POU2AF3: variants seen among roughly 807,000 people sequenced by gnomAD.
POU2AF3 encodes POU class 2 homeobox associating factor 3, also known as cancer susceptibility candidate 13.
At chr11:111,307,604 A>G in the POU2AF3 span, among the ~76,000 whole-genome samples, 1 of 152,230 alleles carries the variant, frequency 6.6e-6, no homozygotes, top group Non-Finnish European at 1.5e-5. Context: ...GTAGTGACAC[A>G]TCTTGGCATA....
the POU2AF3 span, among the ~76,000 whole-genome samples, chr11:111,304,157 T>C: frequency 6.6e-6 from 1 of 152,168 alleles, no homozygotes; most frequent in East Asian, 1.9e-4. Context: ...TTTTAATATT[T>C]CATGTATACT....
At chr11:111,301,927 C>T in the POU2AF3 span, among the ~76,000 whole-genome samples, 1 of 151,926 alleles carries the variant, frequency 6.6e-6, no homozygotes, top group South Asian at 2.1e-4. Flanking sequence ...AGTTCAGATG[C>T]GAGCCAGCTG....
At chr11:111,306,282 G>T in the POU2AF3 span, 2 of 514,664 alleles carry the variant, frequency 3.9e-6, no homozygotes, top group Non-Finnish European at 6.3e-6. Flanking sequence ...TTCTGGATTT[G>T]TTAAGCCCCC....
chr11:111,308,703 C>T, the POU2AF3 span: 1 of 284,140 alleles, frequency 3.5e-6, no homozygotes, highest in Non-Finnish European at 6.5e-6. Flanking sequence ...ATGCTGTCTC[C>T]TTTTTTACTA....
chr11:111,299,757 A>C, the POU2AF3 span: 17 of 1,221,486 alleles, frequency 1.4e-5, no homozygotes, highest in Middle Eastern at 6.2e-4. Flanking sequence ...GGAGAGTAGG[A>C]GCGGGGGCGA....
chr11:111,299,916 C>T, the POU2AF3 span: 1 of 432,230 alleles, frequency 2.3e-6, no homozygotes. Context: ...ACCTCGCCGG[C>T]CCAGGACGGG....
At chr11:111,298,825 G>GGGGGGGGGGGCC in the POU2AF3 span, 2 of 852,674 alleles carry the variant, frequency 2.3e-6, no homozygotes, top group Non-Finnish European at 3.1e-6. Context: ...GCGTACCCCA[G>GGGGGGGGGGGCC]GCCCCCGCCC....
chr11:111,298,972 G>A, the POU2AF3 span: 8 of 1,010,416 alleles, frequency 7.9e-6, no homozygotes, highest in South Asian at 2.3e-4. Context: ...ACTGAGCCGA[G>A]CTGTGGCGGT....
the POU2AF3 span, chr11:111,299,607 C>G: frequency 1.6e-6 from 2 of 1,224,850 alleles, no homozygotes; most frequent in Non-Finnish European, 2.0e-6. Flanking sequence ...AGGGCGGCCT[C>G]CCGGCGGAGT....
the POU2AF3 span, chr11:111,298,826 G>GCGCC: frequency 1.3e-6 from 1 of 790,958 alleles, no homozygotes; most frequent in Non-Finnish European, 1.7e-6. Flanking sequence ...CGTACCCCAG[G>GCGCC]CCCCCGCCCG....
chr11:111,300,884 G>A, the POU2AF3 span, among the ~76,000 whole-genome samples: 1 of 152,218 alleles, frequency 6.6e-6, no homozygotes, highest in Non-Finnish European at 1.5e-5. Flanking sequence ...AAGTGCGTTG[G>A]TCCTCTGCAG....
At chr11:111,298,781 G>C in the POU2AF3 span, 10 of 1,165,760 alleles carry the variant, frequency 8.6e-6, no homozygotes, top group East Asian at 3.2e-5. Flanking sequence ...GGAGGGCAGA[G>C]GCCCAGAGGC....
the POU2AF3 span, chr11:111,306,412 A>C: frequency 6.8e-7 from 1 of 1,463,276 alleles, no homozygotes; most frequent in Non-Finnish European, 9.0e-7. Context: ...TTTGAGCCTG[A>C]ACCAATTTCT....
chr11:111,305,185 C>A, the POU2AF3 span: 1 of 393,688 alleles, frequency 2.5e-6, no homozygotes, highest in Non-Finnish European at 4.5e-6. Context: ...TTTCTGAATT[C>A]TCTACTCTCT....
chr11:111,302,128 T>G, the POU2AF3 span, among the ~76,000 whole-genome samples: 4 of 152,256 alleles, frequency 2.6e-5, no homozygotes, highest in South Asian at 2.1e-4. Context: ...ATCAGAGATC[T>G]GTACCTCGAT....
the POU2AF3 span, chr11:111,298,917 G>T: frequency 9.2e-7 from 1 of 1,081,226 alleles, no homozygotes; most frequent in East Asian, 5.8e-5. Flanking sequence ...GGGGGAGCTA[G>T]AGGCTCACAG....
the POU2AF3 span, chr11:111,299,722 G>C: frequency 1.6e-6 from 2 of 1,231,864 alleles, no homozygotes; most frequent in Admixed American, 4.2e-5. Context: ...AGAAAGGGAG[G>C]GGGTAGGGAG....
the POU2AF3 span, chr11:111,308,536 C>A: frequency 7.9e-7 from 1 of 1,259,620 alleles, no homozygotes; most frequent in Non-Finnish European, 1.1e-6. Context: ...CACAATATCC[C>A]AAGCACAGTT....
chr11:111,301,269 C>T, the POU2AF3 span, among the ~76,000 whole-genome samples: 1 of 152,222 alleles, frequency 6.6e-6, no homozygotes, highest in East Asian at 1.9e-4. Context: ...TATACACCTT[C>T]CTACGGTAAG....
Sources: allele counts gnomAD v4.1 joint callset (sites outside exome capture counted in the v4.1 genomes callset), GRCh38; gene constraint gnomAD v4.1.1; transcripts MANE v1.5; gene names NCBI Gene and HGNC (gene_info 2026-07-23, HGNC 2026-07-21).